Variants in VPS50 observed in about 807,000 individuals in gnomAD.
VPS50 encodes syndetin.
VPS50 carries 70 observed loss-of-function variants against 139.7 expected under a neutral mutation model. That is an observed-to-expected ratio of 0.50 (90% CI 0.41 to 0.61). The LOEUF (loss-of-function observed/expected upper bound fraction) is 0.61. Among genes scored for constraint, VPS50 ranks in the 20% least tolerant of loss-of-function variants. The probability of loss-of-function intolerance (pLI) is 0.00; values close to 1 mark genes in which losing one functional copy is unlikely to be tolerated. For synonymous variants in VPS50, 365 were observed against 376.7 expected (o/e 0.97, Z 0.36); for missense variants, 921 against 1,133.7 (o/e 0.81, Z 2.69).
At chr7:93,283,877 T>A (rs76919762) in intron 12 of VPS50, among the ~76,000 whole-genome samples, 2 of 152,080 alleles carry the variant, frequency 1.3e-5, no homozygotes, top group East Asian at 3.9e-4. Context: ...TTTAACCGGA[T>A]TTTTTAGTAT....
intron 1 of VPS50, among the ~76,000 whole-genome samples, chr7:93,233,741 T>C (rs1250420049): frequency 1.3e-5 from 2 of 152,248 alleles, no homozygotes; most frequent in Non-Finnish European, 2.9e-5. Context: ...TGGGTCCTGC[T>C]GTATCCTGTG....
At chr7:93,337,153 C>T (rs1208913481) in intron 22 of VPS50, among the ~76,000 whole-genome samples, 3 of 152,190 alleles carry the variant, frequency 2.0e-5, no homozygotes, top group Non-Finnish European at 4.4e-5. Flanking sequence ...GAACTTTAGT[C>T]TTTAAGCAAA....
chr7:93,292,363 A>G (rs1489377543), intron 13 of VPS50, among the ~76,000 whole-genome samples: 4 of 152,144 alleles, frequency 2.6e-5, no homozygotes, highest in Non-Finnish European at 5.9e-5. Context: ...TGACTGTGGT[A>G]CAGTCAGCTA....
intron 25 of VPS50, 64 bp downstream of exon 25, chr7:93,350,097 C>G: frequency 2.7e-6 from 3 of 1,131,436 alleles, no homozygotes; most frequent in Non-Finnish European, 3.9e-6. Flanking sequence ...TCCTTTATTG[C>G]AGTGGCTCTA....
chr7:93,295,874 A>G (rs1252573290), intron 14 of VPS50, among the ~76,000 whole-genome samples: 1 of 151,874 alleles, frequency 6.6e-6, no homozygotes, highest in Non-Finnish European at 1.5e-5. Flanking sequence ...ACAGATGTGC[A>G]CCACCATGCC....
chr7:93,249,190 C>T (rs1350001992), intron 2 of VPS50, among the ~76,000 whole-genome samples: 1 of 152,012 alleles, frequency 6.6e-6, no homozygotes, highest in Non-Finnish European at 1.5e-5. Context: ...ACTCCTTTTA[C>T]AGATTCATCA....
At chr7:93,246,985 A>G (rs1160950104) in intron 2 of VPS50, among the ~76,000 whole-genome samples, 1 of 151,932 alleles carries the variant, frequency 6.6e-6, no homozygotes, top group East Asian at 1.9e-4. Context: ...TAAATCAAAG[A>G]TGTTGACTTA....
chr7:93,289,321 T>G (rs550183138), intron 12 of VPS50, among the ~76,000 whole-genome samples: 1 of 152,284 alleles, frequency 6.6e-6, no homozygotes, highest in Non-Finnish European at 1.5e-5. Context: ...TCTCTGTTTA[T>G]GAAGTGTGTT....
chr7:93,261,370 G>A (rs1273396685), intron 9 of VPS50, among the ~76,000 whole-genome samples: 1 of 152,110 alleles, frequency 6.6e-6, no homozygotes, highest in East Asian at 1.9e-4. Context: ...TTATATTAAA[G>A]TAGGCACCCA....
chr7:93,357,816 C>T (rs1724725426), intron 27 of VPS50, among the ~76,000 whole-genome samples: 1 of 152,030 alleles, frequency 6.6e-6, no homozygotes, highest in Non-Finnish European at 1.5e-5. Flanking sequence ...ATTTGCAGCT[C>T]CCTGACTTTG....
intron 1 of VPS50, among the ~76,000 whole-genome samples, chr7:93,235,469 A>G (rs774781426): frequency 2.6e-5 from 4 of 152,162 alleles, no homozygotes; most frequent in Non-Finnish European, 5.9e-5. Context: ...GGGGAGGTGA[A>G]TGATGAGGCT....
chr7:93,294,412 A>T (rs1796742080), intron 13 of VPS50, 133 bp from the exon 14 acceptor site: 1 of 758,398 alleles, frequency 1.3e-6, no homozygotes, highest in Non-Finnish European at 2.0e-6. Flanking sequence ...TATTGTTTTG[A>T]TTGTATAAAT....
At chr7:93,301,776 A>G (rs1173980076) in intron 16 of VPS50, among the ~76,000 whole-genome samples, 1 of 152,222 alleles carries the variant, frequency 6.6e-6, no homozygotes, top group East Asian at 1.9e-4. Flanking sequence ...GGAAACTAAT[A>G]TAGAGTAGAA....
In VPS50 at chr7:93,296,808, T is replaced by C; in HGVS notation, c.1234T>C (p.Phe412Leu). 6.2e-7 allele frequency: 1 copy of C among 1,603,906 alleles called. No homozygotes were observed. Residue 412 changes from phenylalanine (F) to leucine (L), a missense_variant, in exon 15 of 28, where the codon TTC (phenylalanine) becomes CTC (leucine). Coordinates refer to ENST00000305866, the MANE Select transcript of VPS50 (RefSeq NM_017667.4). ...TTTGTCTATATTCAAATATGATGAT[T>C]TCATCTTTGTTTTGGATATAATCAG... is the stretch of plus-strand genomic sequence containing the variant. ...TDLSIFKYDDFIFVLDIISRL... is the reference protein window; with the variant it reads ...TDLSIFKYDDLIFVLDIISRL...
intron 12 of VPS50, among the ~76,000 whole-genome samples, chr7:93,288,928 T>A (rs777323177): frequency 1.3e-5 from 2 of 152,100 alleles, no homozygotes; most frequent in Non-Finnish European, 2.9e-5. Context: ...TCACAGAGAC[T>A]GGGGGACAGG....
intron 12 of VPS50, among the ~76,000 whole-genome samples, chr7:93,284,327 T>A (rs1796417954): frequency 6.6e-6 from 1 of 152,136 alleles, no homozygotes; most frequent in Non-Finnish European, 1.5e-5. Flanking sequence ...GTTAATAGCA[T>A]CTTATAACTT....
intron 11 of VPS50, among the ~76,000 whole-genome samples, chr7:93,274,063 T>A (rs144641963): frequency 2.6e-5 from 4 of 152,168 alleles, no homozygotes; most frequent in Non-Finnish European, 5.9e-5. Flanking sequence ...AACTGGCCAT[T>A]CCCCCTTCTC....
At chr7:93,294,985 T>C (rs1045457098) in intron 14 of VPS50, among the ~76,000 whole-genome samples, 2 of 152,178 alleles carry the variant, frequency 1.3e-5, no homozygotes, top group Non-Finnish European at 1.5e-5. Flanking sequence ...AATTTTTTTT[T>C]CTGTTAATTT....
At chr7:93,297,668 G>A (rs1437359729) in intron 16 of VPS50, among the ~76,000 whole-genome samples, 1 of 152,092 alleles carries the variant, frequency 6.6e-6, no homozygotes, top group Non-Finnish European at 1.5e-5. Context: ...GAGAGGATGT[G>A]ATATTCAGAA....
Sources: allele counts gnomAD v4.1 joint callset (sites outside exome capture counted in the v4.1 genomes callset), GRCh38; gene constraint gnomAD v4.1.1; transcripts MANE v1.5; gene names NCBI Gene and HGNC (gene_info 2026-07-23, HGNC 2026-07-21).